FOXN3: variants seen among roughly 807,000 people sequenced by gnomAD.
FOXN3 encodes forkhead box N3.
In FOXN3, 7 loss-of-function variants were observed where a neutral mutation model predicts 38.4. That is an observed-to-expected ratio of 0.18 (90% CI 0.10 to 0.34). The LOEUF (loss-of-function observed/expected upper bound fraction) is 0.34. FOXN3 is among the 10% of genes least tolerant of loss of function. The probability of loss-of-function intolerance (pLI) is 1.00; values close to 1 mark genes in which losing one functional copy is unlikely to be tolerated. For missense variants in FOXN3, 456 were observed against 613.4 expected (o/e 0.74, Z 2.71); for synonymous variants, 230 against 242.2 (o/e 0.95, Z 0.47).
chr14:89,286,771 C>G (rs1886641183), intron 3 of FOXN3, among the ~76,000 whole-genome samples: 1 of 152,198 alleles, frequency 6.6e-6, no homozygotes, highest in Non-Finnish European at 1.5e-5. Context: ...TGGAACACGG[C>G]AACCAGAGCA....
upstream of FOXN3, chr14:89,417,567 T>A: frequency 6.2e-6 from 2 of 322,296 alleles, no homozygotes; most frequent in South Asian, 4.5e-5. Context: ...CTCCCCGGGC[T>A]CCGGCCACAC....
intron 4 of FOXN3, among the ~76,000 whole-genome samples, chr14:89,278,162 C>A (rs781074447): frequency 6.6e-6 from 1 of 152,140 alleles, no homozygotes; most frequent in Non-Finnish European, 1.5e-5. Flanking sequence ...CACAGTTCCA[C>A]GTGGCTGGAG....
At chr14:89,463,588 C>A (rs930302892) in intron 1 of FOXN3, among the ~76,000 whole-genome samples, 2 of 152,146 alleles carry the variant, frequency 1.3e-5, no homozygotes, top group Non-Finnish European at 2.9e-5. Context: ...TCTTCTAGAG[C>A]AGAGAGAGTG....
chr14:89,194,836 T>C (rs956617232), intron 4 of FOXN3, among the ~76,000 whole-genome samples: 1 of 152,060 alleles, frequency 6.6e-6, no homozygotes. Context: ...AAAATAAGCA[T>C]ATATGTACAT....
At position 89,237,696 on chromosome 14, in the gene FOXN3, CT is replaced by C. The variant is rs201742237; in HGVS notation, c.745+43253del. On this transcript the variant is annotated intron_variant, in intron 4 of 5. Transcript: ENST00000557258. ...ACCGGAAAACAAAAACTGACCACCC[CT>C]CCCCCTAATTTTTCTTCTCACATTG... Among the ~76,000 whole-genome samples, 557 of 152,286 alleles carry C rather than the reference CT, an allele frequency of 3.7e-3. 2 individuals are homozygous for C. Among genetic ancestry groups the C allele is most frequent in the African/African-American group, 0.013 (530 of 41,550 alleles).
At chr14:89,522,612 C>T (rs979749500) in intron 1 of FOXN3, among the ~76,000 whole-genome samples, 1 of 152,008 alleles carries the variant, frequency 6.6e-6, no homozygotes, top group African/African-American at 2.4e-5. Flanking sequence ...GGAGGTATTG[C>T]AGTGTCTTCT....
intron 1 of FOXN3, among the ~76,000 whole-genome samples, chr14:89,569,135 G>A (rs1895435539): frequency 6.6e-6 from 1 of 152,194 alleles, no homozygotes; most frequent in South Asian, 2.1e-4. Flanking sequence ...AACCTGGGAG[G>A]TGGAGCTTGC....
At chr14:89,177,610 G>C (rs1887556912) in intron 5 of FOXN3, among the ~76,000 whole-genome samples, 1 of 152,162 alleles carries the variant, frequency 6.6e-6, no homozygotes, top group Admixed American at 6.5e-5. Flanking sequence ...TCCGCCACCA[G>C]GGGGTGCCAT....
intron 5 of FOXN3, among the ~76,000 whole-genome samples, chr14:89,177,922 G>A (rs1887566744): frequency 6.6e-6 from 1 of 152,132 alleles, no homozygotes; most frequent in Non-Finnish European, 1.5e-5. Context: ...CTCCTGCAAT[G>A]ACTCTCTCCA....
rs1315162345 is a variant in FOXN3, at chr14:89,190,379, C to T, written c.746-9573G>A. 2.5e-6 allele frequency: 4 copies of T among 1,610,610 alleles called. No homozygotes were observed. In the African/African-American group the frequency reaches 4.0e-5, roughly 16 times the overall value. ...GTGCTGTAGGCTATAGAAATATCTA[C>T]TCACAACCTGCTTGTATCTCAGGGG... is the stretch of plus-strand genomic sequence containing the variant. On this transcript the variant is annotated intron_variant, in intron 4 of 5. Transcript: ENST00000557258.
chr14:89,257,888 C>T (rs1885674327), intron 4 of FOXN3, among the ~76,000 whole-genome samples: 1 of 152,124 alleles, frequency 6.6e-6, no homozygotes, highest in African/African-American at 2.4e-5. Flanking sequence ...GGCATGGGTG[C>T]CTGTGAGCAC....
At chr14:89,574,881 A>G (rs190658933) in intron 1 of FOXN3, among the ~76,000 whole-genome samples, 7 of 152,274 alleles carry the variant, frequency 4.6e-5, no homozygotes, top group African/African-American at 1.7e-4. Flanking sequence ...CAGCTTTAAA[A>G]AAAAAATTGT....
intron 1 of FOXN3, among the ~76,000 whole-genome samples, chr14:89,464,662 G>A (rs538051443): frequency 3.0e-4 from 45 of 152,092 alleles, no homozygotes; most frequent in African/African-American, 1.0e-3. Context: ...TTGAATCATG[G>A]GGGCAGTTAC....
intron 1 of FOXN3, among the ~76,000 whole-genome samples, chr14:89,428,841 G>A (rs996945057): frequency 1.3e-5 from 2 of 152,244 alleles, no homozygotes; most frequent in East Asian, 1.9e-4. Context: ...ACCAAGGTGG[G>A]CATGCCACGG....
intron 2 of FOXN3, among the ~76,000 whole-genome samples, chr14:89,387,857 C>T (rs1003034845): frequency 2.0e-5 from 3 of 152,152 alleles, no homozygotes; most frequent in South Asian, 2.1e-4. Flanking sequence ...CGTCTAGCAG[C>T]GGCACACTAC....
chr14:89,294,541 G>A (rs1022127673), intron 3 of FOXN3, among the ~76,000 whole-genome samples: 1 of 152,158 alleles, frequency 6.6e-6, no homozygotes, highest in Admixed American at 6.5e-5. Flanking sequence ...GATGGTGAAG[G>A]CATTCTAAGT....
rs528387086 is a variant in FOXN3, at chr14:89,160,901, A to T, written c.*1513T>A. The T allele has an allele frequency of 5.2e-5, 8 of 152,432 alleles. No individual in the cohort carries two copies. In the East Asian group the frequency reaches 1.3e-3, roughly 26 times the overall value. 9.4% of individuals were successfully genotyped at this position (152,432 alleles called of 1,614,324 possible). Reference sequence around the variant, plus strand: ...TAACCCGAAAAAAAAACAAAAACAAAAAACAAAAACAAAAACAAAAAGGAA... The same window carrying T: ...TAACCCGAAAAAAAAACAAAAACAATAAACAAAAACAAAAACAAAAAGGAA... On this transcript the variant is annotated 3_prime_UTR_variant, in exon 6 of 6. Coordinates refer to ENST00000557258, the MANE Select transcript of FOXN3 (RefSeq NM_005197.4).
intron 1 of FOXN3, among the ~76,000 whole-genome samples, chr14:89,611,375 T>G (rs1160477229): frequency 6.6e-6 from 1 of 152,252 alleles, no homozygotes; most frequent in East Asian, 1.9e-4. Flanking sequence ...TTTTTTGTGT[T>G]AGACATGCTG....
intron 4 of FOXN3, among the ~76,000 whole-genome samples, chr14:89,268,645 GGCTCGTGAGGCCAGCACACCCTGTGGA>G (rs1238222454): frequency 2.0e-4 from 31 of 152,284 alleles, no homozygotes; most frequent in Non-Finnish European, 4.3e-4. Flanking sequence ...CCATGTGCAG[GGCTCGTGAGGCCAGCACACCCTGTGGA>G]GCTCCCAGAG....
Sources: allele counts gnomAD v4.1 joint callset (sites outside exome capture counted in the v4.1 genomes callset), GRCh38; gene constraint gnomAD v4.1.1; transcripts MANE v1.5; gene names NCBI Gene and HGNC (gene_info 2026-07-23, HGNC 2026-07-21).